ATF7: variants seen among roughly 807,000 people sequenced by gnomAD.
The protein encoded by ATF7 is cyclic AMP-dependent transcription factor ATF-7.
A neutral mutation model predicts 50.4 loss-of-function variants in ATF7; 10 were observed. That is an observed-to-expected ratio of 0.20 (90% CI 0.12 to 0.34). The LOEUF (loss-of-function observed/expected upper bound fraction) is 0.34, where lower values mean the gene tolerates loss of function less well. Among genes scored for constraint, ATF7 ranks in the 10% least tolerant of loss-of-function variants. The pLI, the probability that ATF7 is intolerant of heterozygous loss-of-function variation, is 1.00. For synonymous variants in ATF7, 201 were observed against 226.4 expected (o/e 0.89, Z 1.01); for missense variants, 465 against 613.9 (o/e 0.76, Z 2.56).
At chr12:53,563,630 T>C (rs1434991864) in intron 2 of ATF7, among the ~76,000 whole-genome samples, 7 of 152,202 alleles carry the variant, frequency 4.6e-5, no homozygotes, top group Non-Finnish European at 8.8e-5. Flanking sequence ...AAGTAGACTG[T>C]AAACTACTAG....
chr12:53,523,087 A>T, intron 11 of ATF7, 189 bp downstream of exon 11: 1 of 534,980 alleles, frequency 1.9e-6, no homozygotes, highest in South Asian at 2.4e-5. Context: ...ACTATAACAG[A>T]TAATTAGCTC....
chr12:53,528,639 T>C (rs1477514284), intron 9 of ATF7, among the ~76,000 whole-genome samples: 1 of 152,256 alleles, frequency 6.6e-6, no homozygotes, highest in East Asian at 1.9e-4. Context: ...AGTGGTTGCC[T>C]GTAATCCCAG....
chr12:53,546,998 T>TTTC lies in ATF7; in HGVS notation c.146-3551_146-3550insGAA, dbSNP rs1565940824. ...GGCTCTTTTTTTTTTTTTTTTTTTTTCCTTGAGACAGAGTCTCTCTCTGTA... is the reference window on the plus strand; with the variant it reads ...GGCTCTTTTTTTTTTTTTTTTTTTTTTTCCCTTGAGACAGAGTCTCTCTCTGTA... On this transcript the variant is annotated intron_variant, in intron 3 of 11. Coordinates refer to ENST00000420353, the MANE Select transcript of ATF7 (RefSeq NM_006856.3). Among the ~76,000 whole-genome samples, 4 of 142,352 alleles carry TTTC rather than the reference T, an allele frequency of 2.8e-5. 1 individual carries two copies. Among genetic ancestry groups the TTTC allele is most frequent in the Non-Finnish European group, 6.2e-5 (4 of 64,892 alleles). 93.4% of individuals were successfully genotyped at this position (142,352 alleles called of 152,430 possible).
At chr12:53,578,289 G>A (rs985792311) in intron 2 of ATF7, among the ~76,000 whole-genome samples, 9 of 147,262 alleles carry the variant, frequency 6.1e-5, no homozygotes, top group African/African-American at 2.3e-4. Context: ...TGGGAGGATC[G>A]CTTAAGCCCA....
At chr12:53,533,297 C>T in intron 6 of ATF7, 38 bp from the exon 7 acceptor site, 2 of 1,503,890 alleles carry the variant, frequency 1.3e-6, no homozygotes, top group South Asian at 1.1e-5. Flanking sequence ...ATAACACAGA[C>T]CTTTTGTCCA....
intron 3 of ATF7, among the ~76,000 whole-genome samples, chr12:53,545,279 C>G (rs1939828186): frequency 6.6e-6 from 1 of 152,120 alleles, no homozygotes; most frequent in African/African-American, 2.4e-5. Context: ...TCAGAGAACC[C>G]TGAACCTGCT....
intron 2 of ATF7, among the ~76,000 whole-genome samples, chr12:53,557,184 T>A (rs7966766): frequency 0.13 from 19,784 of 152,234 alleles, 1,377 homozygotes; most frequent in African/African-American, 0.15. Flanking sequence ...CATTAAAAAA[T>A]CTAGTTCCCT....
At chr12:53,562,536 G>A (rs570588196) in intron 2 of ATF7, among the ~76,000 whole-genome samples, 34 of 152,100 alleles carry the variant, frequency 2.2e-4, no homozygotes, top group Middle Eastern at 3.4e-3. Context: ...CCAGCTACTC[G>A]GGAGGCTGAG....
intron 9 of ATF7, among the ~76,000 whole-genome samples, chr12:53,526,733 C>T (rs1447659299): frequency 2.0e-5 from 3 of 151,202 alleles, no homozygotes; most frequent in Non-Finnish European, 4.4e-5. Context: ...CGCCTGTAAT[C>T]CCAGCTACTT....
intron 2 of ATF7, among the ~76,000 whole-genome samples, chr12:53,564,917 T>C (rs1187497188): frequency 6.6e-6 from 1 of 151,164 alleles, no homozygotes; most frequent in Non-Finnish European, 1.5e-5. Flanking sequence ...CAGCTATTGT[T>C]GGCGTTAGTA....
chr12:53,530,793 G>T (rs891879723), intron 9 of ATF7, among the ~76,000 whole-genome samples: 1 of 151,946 alleles, frequency 6.6e-6, no homozygotes, highest in Non-Finnish European at 1.5e-5. Flanking sequence ...ATTTTTAGTA[G>T]AGACAGGGTT....
intron 2 of ATF7, among the ~76,000 whole-genome samples, chr12:53,577,377 TG>T (rs2137669550): frequency 6.6e-6 from 1 of 150,968 alleles, no homozygotes; most frequent in African/African-American, 2.4e-5. Context: ...CCAAGAACTG[TG>T]GGACAAATAC....
Position 53,516,891 on chromosome 12 carries a change from G to A in ATF7, c.*246C>T. On this transcript the variant is annotated 3_prime_UTR_variant, in exon 12 of 12. Coordinates refer to ENST00000420353, the MANE Select transcript of ATF7 (RefSeq NM_006856.3). Reference sequence around the variant, plus strand: ...CCATCTGGAAAGGCCTTTGGCTGTGGATGCATCAGAAACCCCACCCTGGGG... The same window carrying A: ...CCATCTGGAAAGGCCTTTGGCTGTGAATGCATCAGAAACCCCACCCTGGGG... 1.8e-6 allele frequency: 1 copy of A among 554,932 alleles called. No individual in the cohort carries two copies. 34.4% of individuals were successfully genotyped at this position (554,932 alleles called of 1,614,324 possible). A position where few individuals can be genotyped will look rare whatever the true frequency, so the allele number is the denominator to read the frequency against.
chr12:53,524,721 C>T lies in ATF7; in HGVS notation c.968G>A (p.Arg323Gln), dbSNP rs763653671. 2 of 1,612,194 alleles carry T rather than the reference C, an allele frequency of 1.2e-6. No individual in the cohort carries two copies. The highest frequency in any genetic ancestry group is 1.1e-5 in the South Asian group (1 of 90,964). Residue 323 changes from arginine to glutamine, a missense_variant, in exon 10 of 12, where the codon CGG (arginine) becomes CAG (glutamine). Transcript: ENST00000420353. The surrounding 1 kb of genome is among the most constrained non-coding windows in gnomAD (Gnocchi z 4.6). ...TGGATCTTCATCTACTGTGCGCCGC[C>T]GTCGCCCCCCAGTACTAGGGGTGGG... The part of the protein sequence containing the change: ...AQPTPSTGGR[R>Q]RRTVDEDPDE...
chr12:53,517,061 G>A lies in ATF7; in HGVS notation c.*76C>T. ...ATATTGCCATGTCCAAGGCAGATGG[G>A]AGGGGATAAGATGACATCTCTCTTG... is the stretch of plus-strand genomic sequence containing the variant. On this transcript the variant is annotated 3_prime_UTR_variant, in exon 12 of 12. Transcript: ENST00000420353. 1 of 1,491,430 alleles carries A rather than the reference G, an allele frequency of 6.7e-7. No individual in the cohort carries two copies. Among genetic ancestry groups the A allele is most frequent in the Non-Finnish European group, 9.2e-7 (1 of 1,084,262 alleles). The allele number at this position is 1,491,430 out of a possible 1,614,324, so 92.4% of individuals were successfully genotyped here. A position where few individuals can be genotyped will look rare whatever the true frequency, so the allele number is the denominator to read the frequency against.
downstream of ATF7, among the ~76,000 whole-genome samples, chr12:53,510,184 C>T (rs1020083898): frequency 6.6e-6 from 1 of 152,014 alleles, no homozygotes; most frequent in African/African-American, 2.4e-5. Context: ...GGATTACAGG[C>T]ATGCACCACC....
downstream of ATF7, among the ~76,000 whole-genome samples, chr12:53,511,254 C>T (rs1164671560): frequency 6.6e-6 from 1 of 152,134 alleles, no homozygotes; most frequent in East Asian, 1.9e-4. Context: ...TGAACTCTTA[C>T]CTGCTTTTTT....
At chr12:53,614,818 T>C (rs751982200) in intron 1 of ATF7, among the ~76,000 whole-genome samples, 13 of 152,168 alleles carry the variant, frequency 8.5e-5, no homozygotes, top group Admixed American at 2.0e-4. Flanking sequence ...TGGTGGCTCA[T>C]GCCTGTAATC....
chr12:53,583,829 G>T (rs886813964), intron 2 of ATF7, among the ~76,000 whole-genome samples: 4 of 152,034 alleles, frequency 2.6e-5, no homozygotes, highest in Non-Finnish European at 4.4e-5. Flanking sequence ...AATACACAAA[G>T]AACTCTTAAA....
Sources: gnomAD v4.1 joint callset for allele counts (sites outside exome capture counted in the v4.1 genomes callset) on GRCh38, gnomAD v4.1.1 for gene constraint, Gnocchi (gnomAD v3.1) non-coding constraint, MANE v1.5 for transcripts, NCBI Gene and HGNC (gene_info 2026-07-23, HGNC 2026-07-21) for gene names.